VMA21: variants seen among roughly 807,000 people sequenced by gnomAD.
VMA21 encodes the protein vacuolar ATPase assembly integral membrane protein VMA21.
For missense variants in VMA21, 61 were observed against 80.6 expected (o/e 0.76, Z 0.93); for synonymous variants, 47 against 34.1 (o/e 1.38, Z -1.32).
chrX:151,397,405 G>T lies in VMA21; in HGVS notation c.53+44G>T, dbSNP rs756221154. The T allele has an allele frequency of 4.4e-6, 5 of 1,146,633 alleles. No individual in the cohort carries two copies. The African/African-American group carries it at 7.2e-5, about 16-fold the overall frequency. 94.5% of individuals were successfully genotyped at this position (1,146,633 alleles called of 1,213,427 possible). A position where few individuals can be genotyped will look rare whatever the true frequency, so the allele number is the denominator to read the frequency against. Reference sequence around the variant, plus strand: ...TGGACCGCGAGGCGGACTGGCCCCAGCCTGGAGCAGGGCTTGAGGGAAGGC... The same window carrying T: ...TGGACCGCGAGGCGGACTGGCCCCATCCTGGAGCAGGGCTTGAGGGAAGGC... On this transcript the variant is annotated intron_variant, in intron 1 of 2. Transcript: ENST00000330374.
chrX:151,401,968 G>A (rs1467019998), intron 1 of VMA21, among the ~76,000 whole-genome samples: 2 of 110,154 alleles, frequency 1.8e-5, no homozygotes, highest in Non-Finnish European at 3.8e-5. Context: ...CTAGGCTTGC[G>A]TCAAACTCCC....
intron 1 of VMA21, among the ~76,000 whole-genome samples, chrX:151,400,619 G>A (rs2011230222): frequency 1.8e-5 from 2 of 111,793 alleles, no homozygotes; most frequent in African/African-American, 6.5e-5. Flanking sequence ...ATTTCTTTAG[G>A]AACTGTTTTC....
rs1190836410 is a variant in VMA21, at chrX:151,397,270, A to G, written c.-39A>G. On this transcript the variant is annotated 5_prime_UTR_variant, in exon 1 of 3. Transcript: ENST00000330374. ...CTTACTGAGCGCGGCCGCCGAGCCC[A>G]GCTCCGCCGCCGAGCGCCTGTGCCG... 11 of 1,149,360 alleles carry G rather than the reference A, an allele frequency of 9.6e-6. No individual in the cohort carries two copies. The highest frequency in any genetic ancestry group is 1.3e-5 in the Non-Finnish European group (11 of 867,275). 94.7% of individuals were successfully genotyped at this position (1,149,360 alleles called of 1,213,427 possible). A position where few individuals can be genotyped will look rare whatever the true frequency, so the allele number is the denominator to read the frequency against.
chrX:151,396,812 T>C, upstream of VMA21: 1 of 506,413 alleles, frequency 2.0e-6, no homozygotes, highest in Non-Finnish European at 3.6e-6. Flanking sequence ...CACAGCCCTC[T>C]GGCTGGTAGT....
chrX:151,398,633 CAT>C (rs1243274559), intron 1 of VMA21, among the ~76,000 whole-genome samples: 2 of 110,895 alleles, frequency 1.8e-5, no homozygotes, highest in Admixed American at 9.6e-5. Flanking sequence ...AGAATACCAA[CAT>C]ATTTTTATTA....
chrX:151,397,730 G>A (rs1484500658), intron 1 of VMA21, among the ~76,000 whole-genome samples: 10 of 112,258 alleles, frequency 8.9e-5, no homozygotes, highest in Admixed American at 3.7e-4. Flanking sequence ...TGCATAGTCG[G>A]GGCTTAATAA....
At chrX:151,404,488 G>A (rs2011266861) in intron 2 of VMA21, among the ~76,000 whole-genome samples, 1 of 112,286 alleles carries the variant, frequency 8.9e-6, no homozygotes, top group African/African-American at 3.2e-5. Flanking sequence ...GTGCGATCTC[G>A]GCTCGCGTCA....
chrX:151,403,751 AC>A lies in VMA21; in HGVS notation c.163+14del. ...CTTACATATTTGAAGGTAATCTTAG[AC>A]CCATTAAAACAAGATGTTTTCCCCC... On this transcript the variant is annotated intron_variant, in intron 2 of 2. Coordinates refer to ENST00000330374, the MANE Select transcript of VMA21 (RefSeq NM_001017980.4). 8.8e-7 allele frequency: 1 copy of A among 1,132,272 alleles called. No homozygotes were observed. 93.3% of individuals were successfully genotyped at this position (1,132,272 alleles called of 1,213,427 possible).
chrX:151,398,774 G>C (rs1416847959), intron 1 of VMA21, among the ~76,000 whole-genome samples: 1 of 112,258 alleles, frequency 8.9e-6, no homozygotes, highest in East Asian at 2.8e-4. Context: ...GGTAGGCTCT[G>C]TCTGCTCAAT....
chrX:151,398,522 T>A (rs375091297), intron 1 of VMA21, among the ~76,000 whole-genome samples: 1 of 111,655 alleles, frequency 9.0e-6, no homozygotes, highest in East Asian at 2.8e-4. Context: ...AAGGACATGA[T>A]CTCATTCTTT....
At chrX:151,400,283 G>C (rs1211492318) in intron 1 of VMA21, among the ~76,000 whole-genome samples, 1 of 86,864 alleles carries the variant, frequency 1.2e-5, no homozygotes, top group African/African-American at 4.4e-5. Context: ...TTTTTTTAAA[G>C]ATTCCACATA....
chrX:151,405,175 A>G lies in VMA21; in HGVS notation c.*117A>G. 1 of 848,933 alleles carries G rather than the reference A, an allele frequency of 1.2e-6. No homozygotes were observed. The allele number at this position is 848,933 out of a possible 1,213,427, so 70.0% of individuals were successfully genotyped here. A position where few individuals can be genotyped will look rare whatever the true frequency, so the allele number is the denominator to read the frequency against. ...ATGTTAAAGTCAGTCTTAAGGAGTC[A>G]CGTTTGAGTATGTAAATTTTGATCT... On this transcript the variant is annotated 3_prime_UTR_variant, in exon 3 of 3. Transcript: ENST00000330374.
At chrX:151,398,181 G>GC (rs1569365422) in intron 1 of VMA21, among the ~76,000 whole-genome samples, 1 of 89,022 alleles carries the variant, frequency 1.1e-5, no homozygotes, top group African/African-American at 4.2e-5. Context: ...GTCATTGTGA[G>GC]TTTTTTTTTT....
intron 1 of VMA21, among the ~76,000 whole-genome samples, chrX:151,401,650 A>T (rs2011237766): frequency 8.9e-6 from 1 of 112,214 alleles, no homozygotes; most frequent in Admixed American, 9.5e-5. Flanking sequence ...TGAACACAGG[A>T]TATCTTTACA....
In VMA21 at chrX:151,409,101, T is replaced by C. The variant is rs896142962; in HGVS notation, c.*4043T>C. 70 of 112,639 alleles carry C rather than the reference T, an allele frequency of 6.2e-4. No individual in the cohort carries two copies. Among genetic ancestry groups the C allele is most frequent in the South Asian group, 3.7e-4 (1 of 2,707 alleles). The allele number at this position is 112,639 out of a possible 1,213,427, so 9.3% of individuals were successfully genotyped here. ...CGTCGATGCTAAAAGTGTTAGAATC[T>C]TTACATCACTAGAGTCATTGAATAT... On this transcript the variant is annotated 3_prime_UTR_variant, in exon 3 of 3. Transcript: ENST00000330374.
Position 151,397,316 on chromosome X carries a change from G to A in VMA21, c.8G>A (p.Arg3His), listed in dbSNP as rs913239669. The stretch of plus-strand genomic sequence containing the variant: ...TGCCGGCACGGCTACACCATGGAGC[G>A]CCCGGATAAGGCGGCGCTGAACGCA... MERPDKAALNALQ... is the reference protein window; with the variant it reads MEHPDKAALNALQ... The change falls in exon 1 of 3, where the codon CGC becomes CAC. Residue 3 changes from arginine to histidine, a missense_variant. Transcript: ENST00000330374. The A allele has an allele frequency of 4.3e-6, 5 of 1,161,707 alleles. No individual in the cohort carries two copies. In the South Asian group the frequency reaches 5.7e-5, roughly 13 times the overall value.
chrX:151,402,605 G>C (rs1226999135), intron 1 of VMA21, among the ~76,000 whole-genome samples: 1 of 113,006 alleles, frequency 8.8e-6, no homozygotes, highest in Non-Finnish European at 1.9e-5. Context: ...GGTGATTGGA[G>C]CCTCTTAAAA....
rs927560080 is a variant in VMA21 at position 151,409,340 on chromosome X, A to T, written c.*4282A>T. 8.9e-6 allele frequency: 1 copy of T among 112,005 alleles called. No homozygotes were observed. The highest frequency in any genetic ancestry group is 3.3e-5 in the African/African-American group (1 of 30,766). 9.2% of individuals were successfully genotyped at this position (112,005 alleles called of 1,213,427 possible). On this transcript the variant is annotated 3_prime_UTR_variant, in exon 3 of 3. Transcript: ENST00000330374. The stretch of plus-strand genomic sequence containing the variant: ...TTGTATAAATGTACCATCTGATGTC[A>T]TTAAAAAAAGTGTTTGTAGTGCTAC...
At chrX:151,397,002 C>T (rs2011194610), upstream of VMA21, 10 of 518,943 alleles carry the variant, frequency 1.9e-5, no homozygotes, top group East Asian at 3.6e-4. Flanking sequence ...CTCGCCAGGC[C>T]TGCTCCTCGA....
Sources: gnomAD v4.1 joint callset for allele counts (sites outside exome capture counted in the v4.1 genomes callset) on GRCh38, gnomAD v4.1.1 for gene constraint, MANE v1.5 for transcripts, NCBI Gene and HGNC (gene_info 2026-07-23, HGNC 2026-07-21) for gene names.